The following ANKRD11 variants were observed in gnomAD, a reference collection of about 807,000 sequenced individuals.
ANKRD11 encodes ankyrin repeat domain 11.
In ANKRD11, 17 loss-of-function variants were observed where a neutral mutation model predicts 195.7. The observed-to-expected ratio is 0.09, with a 90% CI of 0.06 to 0.13. ANKRD11 has a LOEUF of 0.13. ANKRD11 is among the 10% of genes least tolerant of loss of function. ANKRD11 has a pLI of 1.00. For missense variants in ANKRD11, 3,735 were observed against 3,566.1 expected, an observed-to-expected ratio of 1.05 and a Z score of -1.21; for synonymous variants, 1,953 against 1,528.1, an observed-to-expected ratio of 1.28 and a Z score of -6.49.
chr16:89,318,508 T>G (rs1462482033), intron 2 of ANKRD11, among the ~76,000 whole-genome samples: 1 of 152,222 alleles, frequency 6.6e-6, no homozygotes, highest in Non-Finnish European at 1.5e-5. Flanking sequence ...CTCCCCTGCA[T>G]TTACCCATCT....
chr16:89,270,728 C>T (rs903546862), intron 12 of ANKRD11, 89 bp downstream of exon 12: 3 of 1,305,566 alleles, frequency 2.3e-6, no homozygotes, highest in African/African-American at 1.5e-5. Context: ...GGCCTCCCCC[C>T]AGGCAGCGCA....
intron 2 of ANKRD11, among the ~76,000 whole-genome samples, chr16:89,391,651 A>G (rs1252568246): frequency 2.0e-5 from 3 of 152,232 alleles, no homozygotes; most frequent in Admixed American, 6.5e-5. Flanking sequence ...ACAAAACCAC[A>G]AACTCAGTAA....
intron 1 of ANKRD11, among the ~76,000 whole-genome samples, chr16:89,467,047 C>T (rs971259431): frequency 2.0e-5 from 3 of 152,148 alleles, no homozygotes; most frequent in African/African-American, 7.2e-5. Context: ...TAAGAAATTC[C>T]AATGGTTGCA....
At chr16:89,382,338 T>A (rs1379074438) in intron 2 of ANKRD11, among the ~76,000 whole-genome samples, 1 of 145,362 alleles carries the variant, frequency 6.9e-6, no homozygotes, top group African/African-American at 2.8e-5. Flanking sequence ...TATATATATT[T>A]TTTTAAAGAC....
At chr16:89,408,204 G>A (rs927191023) in intron 2 of ANKRD11, among the ~76,000 whole-genome samples, 1 of 152,198 alleles carries the variant, frequency 6.6e-6, no homozygotes, top group Admixed American at 6.5e-5. Context: ...ACTCGGCCAA[G>A]AAACTCCCTG....
Position 89,283,728 on chromosome 16 carries a change from G to T in ANKRD11, c.2814C>A (p.Asp938Glu). 2 of 1,613,790 alleles carry T rather than the reference G, an allele frequency of 1.2e-6. No homozygotes were observed. Among genetic ancestry groups the T allele is most frequent in the South Asian group, 1.1e-5 (1 of 91,086 alleles). Residue 938 changes from aspartate (D) to glutamate (E), a missense_variant, in exon 9 of 13, where the codon GAC (aspartate) becomes GAA (glutamate). Asp to Glu is a conservative substitution (Grantham distance 45). Transcript: ENST00000301030. This position sits in a 1 kb window ranked among gnomAD's most constrained non-coding sequence, Gnocchi z 4.3. Reference sequence around the variant, plus strand: ...CCTCTGCGGACTCTCTCCTCTTCTTGTCCTTTTCCGAAAGGTAGCCAGGGA... The same window carrying T: ...CCTCTGCGGACTCTCTCCTCTTCTTTTCCTTTTCCGAAAGGTAGCCAGGGA... ...KSVPGYLSEK[D>E]KKRRESAEAG...
chr16:89,283,446 G>A lies in ANKRD11; in HGVS notation c.3096C>T (p.Ser1032=), dbSNP rs748511376. The A allele has an allele frequency of 6.2e-7, 1 of 1,614,132 alleles. No individual in the cohort carries two copies. Among genetic ancestry groups the A allele is most frequent in the Non-Finnish European group, 8.5e-7 (1 of 1,180,046 alleles). Residue 1032 remains serine, a synonymous_variant, in exon 9 of 13, where the codon TCC becomes TCT. Coordinates refer to ENST00000301030, the MANE Select transcript of ANKRD11 (RefSeq NM_013275.6). The surrounding 1 kb of genome is among the most constrained non-coding windows in gnomAD (Gnocchi z 4.3). ...KTKPERYKEK[S]SDKDKSEKSI... ...ATTTCTCACTTTTGTCCTTGTCACT[G>A]GATTTCTCTTTGTATCTTTCTGGTT...
chr16:89,346,209 C>A (rs182628682), intron 2 of ANKRD11, among the ~76,000 whole-genome samples: 2 of 141,964 alleles, frequency 1.4e-5, no homozygotes, highest in African/African-American at 5.3e-5. Flanking sequence ...GATCACGCCA[C>A]GGCACTCCAG....
intron 2 of ANKRD11, among the ~76,000 whole-genome samples, chr16:89,359,553 C>A (rs114906336): frequency 6.6e-6 from 1 of 152,194 alleles, no homozygotes; most frequent in East Asian, 1.9e-4. Flanking sequence ...AGTCTTGATT[C>A]TTCAGGCTAA....
intron 1 of ANKRD11, among the ~76,000 whole-genome samples, chr16:89,445,179 T>G (rs2043729286): frequency 6.6e-6 from 1 of 152,256 alleles, no homozygotes. Flanking sequence ...CCCATAAAGC[T>G]AAGCCCTTAT....
Position 89,367,751 on chromosome 16 carries a change from G to A in ANKRD11, c.-60+50533C>T, listed in dbSNP as rs548796214. Among the ~76,000 whole-genome samples, 10 of 152,262 alleles carry A rather than the reference G, an allele frequency of 6.6e-5. No individual in the cohort carries two copies. The South Asian group carries it at 8.3e-4, about 13-fold the overall frequency. On this transcript the variant is annotated intron_variant, in intron 2 of 12. Coordinates refer to ENST00000301030, the MANE Select transcript of ANKRD11 (RefSeq NM_013275.6). ...GCATCCCATCCTGACTACCCCCAGC[G>A]GCTGCATGTCCACCTGCTGCTGCCT...
intron 1 of ANKRD11, among the ~76,000 whole-genome samples, chr16:89,481,803 C>T (rs2057453162): frequency 6.6e-6 from 1 of 152,148 alleles, no homozygotes; most frequent in South Asian, 2.1e-4. Flanking sequence ...TCTCACGTTA[C>T]ATGCGGCCTT....
At chr16:89,294,527 A>C (rs1221315556) in intron 4 of ANKRD11, among the ~76,000 whole-genome samples, 2 of 152,056 alleles carry the variant, frequency 1.3e-5, no homozygotes, top group African/African-American at 4.8e-5. Flanking sequence ...AGCCCAGCAA[A>C]CTTGCACGTC....
At position 89,328,759 on chromosome 16, in the gene ANKRD11, G is replaced by A. The variant is rs112739813; in HGVS notation, c.-59-11681C>T. Among the ~76,000 whole-genome samples the A allele has an allele frequency of 6.5e-3, 849 of 130,936 alleles. 13 individuals are homozygous for A. Among genetic ancestry groups the A allele is most frequent in the Non-Finnish European group, 9.8e-3 (582 of 59,624 alleles). The allele number at this position is 130,936 out of a possible 152,430, so 85.9% of individuals were successfully genotyped here. ...ACCCAGGAGCACGGGCGAAATCAGC[G>A]GAGGCCCCTGCTGAGTGAGTGGACA... On this transcript the variant is annotated intron_variant, in intron 2 of 12. Coordinates refer to ENST00000301030, the MANE Select transcript of ANKRD11 (RefSeq NM_013275.6).
At chr16:89,294,163 G>A (rs2035260489) in intron 4 of ANKRD11, among the ~76,000 whole-genome samples, 1 of 152,182 alleles carries the variant, frequency 6.6e-6, no homozygotes. Flanking sequence ...CTGAGCTTTG[G>A]TGAAGAAAGC....
At chr16:89,374,427 C>T (rs751925293) in intron 2 of ANKRD11, among the ~76,000 whole-genome samples, 1 of 152,086 alleles carries the variant, frequency 6.6e-6, no homozygotes, top group African/African-American at 2.4e-5. Flanking sequence ...CTGAACGATA[C>T]AACAGGAACT....
intron 1 of ANKRD11, among the ~76,000 whole-genome samples, chr16:89,421,533 G>C (rs530142419): frequency 9.0e-6 from 1 of 110,658 alleles, no homozygotes; most frequent in African/African-American, 4.4e-5. Context: ...ACGGAGTCAG[G>C]GATGGGACCA....
intron 1 of ANKRD11, among the ~76,000 whole-genome samples, chr16:89,454,158 A>G (rs1042569651): frequency 2.6e-5 from 4 of 152,122 alleles, no homozygotes; most frequent in African/African-American, 9.7e-5. Flanking sequence ...CAGCCAACAC[A>G]ACGACAGCCG....
At chr16:89,414,782 C>A (rs529528160) in intron 2 of ANKRD11, among the ~76,000 whole-genome samples, 2 of 152,154 alleles carry the variant, frequency 1.3e-5, no homozygotes, top group Non-Finnish European at 2.9e-5. Context: ...CCAAGCTGGG[C>A]ACCTAAGTCA....
Sources: gnomAD v4.1 joint callset for allele counts (sites outside exome capture counted in the v4.1 genomes callset) on GRCh38, gnomAD v4.1.1 for gene constraint, Gnocchi (gnomAD v3.1) non-coding constraint, MANE v1.5 for transcripts, NCBI Gene and HGNC (gene_info 2026-07-23, HGNC 2026-07-21) for gene names.